Variants in SOS2 observed in about 807,000 individuals in gnomAD.
SOS2 encodes the protein son of sevenless homolog 2.
In SOS2, 65 loss-of-function variants were observed where a neutral mutation model predicts 148.2. The ratio of observed to expected loss-of-function variants is 0.44; its 90% CI spans 0.36 to 0.54. SOS2 has a LOEUF of 0.54. Among genes scored for constraint, SOS2 ranks in the 20% least tolerant of loss-of-function variants. The probability of loss-of-function intolerance (pLI) is 0.00; values close to 1 mark genes in which losing one functional copy is unlikely to be tolerated. For synonymous variants in SOS2, 539 were observed against 537.1 expected, an observed-to-expected ratio of 1.00 and a Z score of -0.05; for missense variants, 1,341 against 1,590.2, an observed-to-expected ratio of 0.84 and a Z score of 2.67.
intron 18 of SOS2, among the ~76,000 whole-genome samples, chr14:50,135,086 AAAAAAAGAAAG>A (rs1439259393): frequency 6.7e-6 from 1 of 149,026 alleles, no homozygotes; most frequent in African/African-American, 2.5e-5. Context: ...AAAAAAAAAA[AAAAAAAGAAAG>A]AAAGAAAGAA....
intron 8 of SOS2, among the ~76,000 whole-genome samples, chr14:50,168,965 T>C (rs1375041578): frequency 1.3e-5 from 2 of 152,216 alleles, no homozygotes; most frequent in African/African-American, 4.8e-5. Flanking sequence ...GAAAAACAAC[T>C]ATATGACAAG....
chr14:50,140,149 A>G (rs1419463352), intron 16 of SOS2, 90 bp from the exon 17 acceptor site: 2 of 651,424 alleles, frequency 3.1e-6, no homozygotes, highest in East Asian at 5.6e-5. Flanking sequence ...AATTTTGCAA[A>G]TTATCTGGAA....
At position 50,118,356 on chromosome 14, in the gene SOS2, T is replaced by G. The variant is rs146527239; in HGVS notation, c.3987A>C (p.Glu1329Asp). ...LYRLPLLENA[E>D]TPQ ...CATATGGCTAAGGTCATTGGGGAGT[T>G]TCTGCATTTTCTAGCAAAGGCAGTC... Residue 1329 changes from glutamate (E) to aspartate (D), a missense_variant, in exon 23 of 23, where the codon GAA becomes GAC. Glu to Asp is a conservative substitution (Grantham distance 45). This residue lies in a region of SOS2 where 354 missense variants were observed against 347.7 expected (regional missense o/e 1.02). Transcript: ENST00000216373. 2.5e-6 allele frequency: 4 copies of G among 1,613,500 alleles called. No homozygotes were observed. The highest frequency in any genetic ancestry group is 1.3e-5 in the African/African-American group (1 of 74,894).
chr14:50,167,448 T>C (rs866143722), intron 8 of SOS2, among the ~76,000 whole-genome samples: 2 of 152,010 alleles, frequency 1.3e-5, no homozygotes, highest in East Asian at 1.9e-4. Context: ...GATGGGAGGA[T>C]TGATTGAGCC....
At chr14:50,135,112 A>G (rs1884034552) in intron 18 of SOS2, among the ~76,000 whole-genome samples, 1 of 150,760 alleles carries the variant, frequency 6.6e-6, no homozygotes, top group African/African-American at 2.4e-5. Flanking sequence ...AAAGAAAGAA[A>G]GAAAGAATGA....
At chr14:50,120,214 C>G in intron 22 of SOS2, 61 bp downstream of exon 22, 1 of 768,892 alleles carries the variant, frequency 1.3e-6, no homozygotes, top group South Asian at 1.6e-5. Flanking sequence ...CTTTATAACA[C>G]TAGGCATTAT....
chr14:50,203,154 T>C (rs1886547980), intron 2 of SOS2, among the ~76,000 whole-genome samples: 1 of 152,038 alleles, frequency 6.6e-6, no homozygotes, highest in African/African-American at 2.4e-5. Context: ...TTGTTGCTTA[T>C]AGAAACAAAT....
chr14:50,175,261 A>T (rs1885486226), intron 7 of SOS2, among the ~76,000 whole-genome samples: 1 of 152,114 alleles, frequency 6.6e-6, no homozygotes, highest in Non-Finnish European at 1.5e-5. Flanking sequence ...GGTTAACATA[A>T]ATCTTTGTGA....
chr14:50,211,807 T>C (rs1242395123), intron 1 of SOS2, among the ~76,000 whole-genome samples: 1 of 152,112 alleles, frequency 6.6e-6, no homozygotes, highest in Non-Finnish European at 1.5e-5. Flanking sequence ...GTATCTCTTC[T>C]AGACAGCAAT....
At chr14:50,214,523 T>C (rs1490975835) in intron 1 of SOS2, among the ~76,000 whole-genome samples, 1 of 152,004 alleles carries the variant, frequency 6.6e-6, no homozygotes, top group African/African-American at 2.4e-5. Context: ...TTTAAAAAAG[T>C]AGACATTTAA....
intron 16 of SOS2, among the ~76,000 whole-genome samples, chr14:50,144,600 G>A (rs1311585459): frequency 1.3e-5 from 2 of 151,982 alleles, no homozygotes; most frequent in Non-Finnish European, 2.9e-5. Flanking sequence ...ACCATGCCCA[G>A]CTAATTTTTG....
At position 50,138,463 on chromosome 14, in the gene SOS2, T is replaced by C. The variant is rs1566822860; in HGVS notation, c.2958+149A>G. 9 of 409,852 alleles carry C rather than the reference T, an allele frequency of 2.2e-5. No individual in the cohort carries two copies. In the East Asian group the frequency reaches 3.4e-4, roughly 15 times the overall value. 25.4% of individuals were successfully genotyped at this position (409,852 alleles called of 1,614,324 possible). On this transcript the variant is annotated intron_variant, in intron 18 of 22. Coordinates refer to ENST00000216373, the MANE Select transcript of SOS2 (RefSeq NM_006939.4). The stretch of plus-strand genomic sequence containing the variant: ...GGCGTGAGCCACAGTGCCTGGCCTC[T>C]TACAGTTACTTTTAAATCTGCAATT...
chr14:50,150,455 AAAGT>A (rs1369965052), intron 13 of SOS2, among the ~76,000 whole-genome samples: 11 of 152,320 alleles, frequency 7.2e-5, no homozygotes, highest in African/African-American at 2.6e-4. Context: ...AACACTCTTT[AAAGT>A]AATAACCACA....
chr14:50,217,816 C>G (rs556621895), intron 1 of SOS2, among the ~76,000 whole-genome samples: 1 of 151,836 alleles, frequency 6.6e-6, no homozygotes, highest in African/African-American at 2.4e-5. Context: ...ATTAGCTGGG[C>G]GTGGTGGCGG....
At chr14:50,188,348 G>A in intron 5 of SOS2, 149 bp downstream of exon 5, 1 of 576,808 alleles carries the variant, frequency 1.7e-6, no homozygotes, top group Non-Finnish European at 3.0e-6. Flanking sequence ...GGCTGCAGTG[G>A]TGCGAGCTGA....
In SOS2 at chr14:50,140,087, A is replaced by AT. The variant is rs760474617; in HGVS notation, c.2668-29dup. The AT allele has an allele frequency of 2.9e-5, 30 of 1,042,752 alleles. No homozygotes were observed. In the African/African-American group the frequency reaches 3.7e-4, roughly 13 times the overall value. 64.6% of individuals were successfully genotyped at this position (1,042,752 alleles called of 1,614,324 possible). A position where few individuals can be genotyped will look rare whatever the true frequency, so the allele number is the denominator to read the frequency against. On this transcript the variant is annotated intron_variant, in intron 16 of 22. Coordinates refer to ENST00000216373, the MANE Select transcript of SOS2 (RefSeq NM_006939.4). ...TAAAGTATACATAAATTGAGTATAA[A>AT]TTTTTTACAATTCAATCATATTTTA...
intron 4 of SOS2, among the ~76,000 whole-genome samples, chr14:50,189,857 T>TA (rs199862534): frequency 0.31 from 43,926 of 143,110 alleles, 6,686 homozygotes; most frequent in Admixed American, 0.41. Flanking sequence ...TTTATTTTTT[T>TA]TTTTTTTGTG....
chr14:50,166,335 GC>G (rs1173995559), intron 8 of SOS2, among the ~76,000 whole-genome samples: 11 of 152,018 alleles, frequency 7.2e-5, no homozygotes, highest in Non-Finnish European at 1.5e-4. Context: ...CGATCCTCCT[GC>G]CTTAACCCCC....
At chr14:50,198,774 T>C (rs1240645585) in intron 4 of SOS2, among the ~76,000 whole-genome samples, 2 of 152,238 alleles carry the variant, frequency 1.3e-5, no homozygotes, top group African/African-American at 2.4e-5. Context: ...ATGATAGTTT[T>C]AATCATATTG....
Sources: gnomAD v4.1 joint callset for allele counts (sites outside exome capture counted in the v4.1 genomes callset) on GRCh38, gnomAD v4.1.1 for gene constraint, gnomAD v4.1.1 regional missense constraint, MANE v1.5 for transcripts, NCBI Gene and HGNC (gene_info 2026-07-23, HGNC 2026-07-21) for gene names.